RBFOX1: variants seen among roughly 807,000 people sequenced by gnomAD.
RBFOX1 encodes RNA binding fox-1 homolog 1.
In RBFOX1, 8 loss-of-function variants were observed where a neutral mutation model predicts 57.7. That is an observed-to-expected ratio of 0.14 (90% CI 0.08 to 0.25). The LOEUF (loss-of-function observed/expected upper bound fraction) is 0.25. Among genes scored for constraint, RBFOX1 ranks in the 10% least tolerant of loss-of-function variants. The pLI is 1.00. For synonymous variants in RBFOX1, 326 were observed against 222.4 expected (o/e 1.47, Z -4.15); for missense variants, 611 against 548.5 (o/e 1.11, Z -1.14).
intron 4 of RBFOX1, among the ~76,000 whole-genome samples, chr16:7,187,233 T>C (rs140561119): frequency 2.6e-5 from 4 of 152,046 alleles, no homozygotes; most frequent in Admixed American, 1.3e-4. Flanking sequence ...TGAAATCATA[T>C]GTAAGAAGAG....
In RBFOX1 at chr16:5,311,885, C is replaced by T. The variant is rs199901650; in HGVS notation, c.219+71780C>T. On this transcript the variant is annotated intron_variant, in intron 1 of 2. Transcript: ENST00000585867. ...GGAAGTAGCTCTGACATTGTTCCTT[C>T]TCTTGACTCCCATGGTCACTTGCTC... Among the ~76,000 whole-genome samples the T allele has an allele frequency of 1.6e-4, 24 of 152,306 alleles. No individual in the cohort carries two copies. The East Asian group carries it at 4.6e-3, about 29-fold the overall frequency.
intron 3 of RBFOX1, among the ~76,000 whole-genome samples, chr16:6,840,007 C>T (rs1262027095): frequency 1.3e-5 from 2 of 152,124 alleles, no homozygotes; most frequent in Non-Finnish European, 2.9e-5. Context: ...AAAATAATAT[C>T]TGTAGCAACT....
chr16:7,034,160 G>T (rs79717733), intron 3 of RBFOX1, among the ~76,000 whole-genome samples: 1 of 152,102 alleles, frequency 6.6e-6, no homozygotes, highest in Non-Finnish European at 1.5e-5. Context: ...GCTGGTTCTG[G>T]ATTCAAATAG....
chr16:7,650,113 GAA>G (rs1219362168), intron 11 of RBFOX1, among the ~76,000 whole-genome samples: 2 of 94,984 alleles, frequency 2.1e-5, no homozygotes, highest in African/African-American at 7.2e-5. Flanking sequence ...GCAAGTATAA[GAA>G]GGAAGGAAGG....
intron 2 of RBFOX1, among the ~76,000 whole-genome samples, chr16:6,510,952 G>A (rs568256493): frequency 5.3e-4 from 80 of 152,252 alleles, no homozygotes; most frequent in African/African-American, 1.8e-3. Context: ...GATTTGAAAT[G>A]TGGTGTGTGC....
intron 5 of RBFOX1, among the ~76,000 whole-genome samples, chr16:7,519,474 T>G (rs1038680852): frequency 3.9e-5 from 6 of 152,214 alleles, no homozygotes; most frequent in African/African-American, 1.2e-4. Context: ...GAAACAGGCA[T>G]GTAAACAGAA....
At chr16:5,282,621 A>T (rs529783760) in intron 1 of RBFOX1, among the ~76,000 whole-genome samples, 1 of 152,314 alleles carries the variant, frequency 6.6e-6, no homozygotes, top group East Asian at 1.9e-4. Flanking sequence ...GACTGGTGGC[A>T]TTTTGCCCCT....
At chr16:6,679,942 G>C (rs868284006) in intron 3 of RBFOX1, among the ~76,000 whole-genome samples, 2 of 131,126 alleles carry the variant, frequency 1.5e-5, no homozygotes, top group Non-Finnish European at 3.1e-5. Context: ...GTCTCATGGA[G>C]TTCTTTAAAG....
At chr16:7,108,293 A>G (rs1443388905) in intron 4 of RBFOX1, among the ~76,000 whole-genome samples, 2 of 152,120 alleles carry the variant, frequency 1.3e-5, no homozygotes, top group Admixed American at 6.6e-5. Context: ...ATATGCTCAC[A>G]ATCTCCCCAT....
At chr16:6,682,734 C>T (rs182278448) in intron 3 of RBFOX1, among the ~76,000 whole-genome samples, 3 of 151,676 alleles carry the variant, frequency 2.0e-5, no homozygotes, top group Admixed American at 2.0e-4. Flanking sequence ...TGGTGTGAGA[C>T]GATGTTATCA....
At chr16:7,292,216 G>C (rs28521991) in intron 4 of RBFOX1, among the ~76,000 whole-genome samples, 19 of 99,436 alleles carry the variant, frequency 1.9e-4, no homozygotes, top group East Asian at 1.2e-3. Flanking sequence ...TCATATATAT[G>C]ATATATGATA....
At chr16:6,662,329 T>G (rs2098706832) in intron 3 of RBFOX1, among the ~76,000 whole-genome samples, 2 of 152,196 alleles carry the variant, frequency 1.3e-5, no homozygotes, top group Admixed American at 1.3e-4. Flanking sequence ...TTAATTAGCT[T>G]GGTAGTAGTA....
intron 3 of RBFOX1, among the ~76,000 whole-genome samples, chr16:6,710,176 T>C (rs769395151): frequency 3.3e-5 from 5 of 152,174 alleles, no homozygotes; most frequent in Non-Finnish European, 5.9e-5. Context: ...AACTGTAGTT[T>C]CTAATTTGGT....
At chr16:6,987,500 C>G (rs967761804) in intron 3 of RBFOX1, among the ~76,000 whole-genome samples, 32 of 142,456 alleles carry the variant, frequency 2.2e-4, no homozygotes, top group African/African-American at 7.0e-4. Flanking sequence ...CACACACACA[C>G]ACACAGAGGC....
chr16:5,911,420 T>C (rs2058599736), intron 4 of RBFOX1, among the ~76,000 whole-genome samples: 1 of 152,158 alleles, frequency 6.6e-6, no homozygotes. Flanking sequence ...AAGCACAACT[T>C]CCCTGGGGGC....
At chr16:7,255,527 TA>T (rs1391667635) in intron 4 of RBFOX1, among the ~76,000 whole-genome samples, 3 of 152,212 alleles carry the variant, frequency 2.0e-5, no homozygotes, top group Non-Finnish European at 4.4e-5. Context: ...ATATTTAGTG[TA>T]AAAGAGATTG....
intron 1 of RBFOX1, among the ~76,000 whole-genome samples, chr16:6,124,111 G>C (rs926997252): frequency 4.6e-5 from 7 of 152,066 alleles, no homozygotes; most frequent in Non-Finnish European, 1.0e-4. Flanking sequence ...CACCCTTCTG[G>C]GTGTTTTGTT....
At chr16:6,254,198 T>A (rs1486869709) in intron 1 of RBFOX1, among the ~76,000 whole-genome samples, 2 of 152,200 alleles carry the variant, frequency 1.3e-5, no homozygotes, top group Non-Finnish European at 2.9e-5. Flanking sequence ...GTGAGGCTAC[T>A]GGATATTGCC....
At chr16:6,844,941 C>T (rs114059115) in intron 3 of RBFOX1, among the ~76,000 whole-genome samples, 2,372 of 152,220 alleles carry the variant, frequency 0.016, 64 homozygotes, top group African/African-American at 0.053. Context: ...ATCAGTGATA[C>T]TAAGCTTTTT....
Sources: allele counts gnomAD v4.1 joint callset (sites outside exome capture counted in the v4.1 genomes callset), GRCh38; gene constraint gnomAD v4.1.1; transcripts MANE v1.5; gene names NCBI Gene and HGNC (gene_info 2026-07-23, HGNC 2026-07-21).